Variants in CUL4A observed in about 807,000 individuals in gnomAD.
CUL4A encodes the protein cullin-4A.
In CUL4A, 16 loss-of-function variants were observed where a neutral mutation model predicts 95.5. The observed-to-expected ratio is 0.17, with a 90% CI of 0.11 to 0.25. CUL4A has a LOEUF of 0.25. CUL4A is among the 10% of genes least tolerant of loss of function. The probability of loss-of-function intolerance (pLI) is 1.00; values close to 1 mark genes in which losing one functional copy is unlikely to be tolerated. For missense variants in CUL4A, 610 were observed against 937.0 expected (o/e 0.65, Z 4.56); for synonymous variants, 380 against 353.1 (o/e 1.08, Z -0.85).
intron 8 of CUL4A, among the ~76,000 whole-genome samples, chr13:113,235,842 G>A (rs1291387186): frequency 6.6e-6 from 1 of 152,032 alleles, no homozygotes; most frequent in Non-Finnish European, 1.5e-5. Context: ...GTGGTGGCGG[G>A]AACCTATAGT....
intron 2 of CUL4A, among the ~76,000 whole-genome samples, chr13:113,215,372 G>C (rs12584078): frequency 0.97 from 143,061 of 147,666 alleles, 69,379 homozygotes; most frequent in Non-Finnish European, 1. Context: ...AGGTCACGTC[G>C]CATGTGGCCG....
rs1223236804 is a variant in CUL4A, at chr13:113,209,652, G to A, written c.25G>A (p.Gly9Ser). The change falls in exon 1 of 20, where the codon GGC (glycine) becomes AGC (serine). Residue 9 changes from glycine (G) to serine (S), a missense_variant. Gly to Ser is a moderately conservative substitution (Grantham distance 56, BLOSUM62 0). Coordinates refer to ENST00000375440, the MANE Select transcript of CUL4A (RefSeq NM_001008895.4). MADEAPRK[G>S]SFSALVGRTN... ...CATGGCGGACGAGGCCCCGCGGAAG[G>A]GCAGCTTCTCGGCGCTCGTGGGCCG... 1 of 1,120,296 alleles carries A rather than the reference G, an allele frequency of 8.9e-7. No homozygotes were observed. The highest frequency in any genetic ancestry group is 1.1e-6 in the Non-Finnish European group (1 of 917,756). The allele number at this position is 1,120,296 out of a possible 1,614,324, so 69.4% of individuals were successfully genotyped here. A position where few individuals can be genotyped will look rare whatever the true frequency, so the allele number is the denominator to read the frequency against.
chr13:113,251,943 G>A (rs965023361), intron 15 of CUL4A, among the ~76,000 whole-genome samples: 1 of 152,206 alleles, frequency 6.6e-6, no homozygotes, highest in African/African-American at 2.4e-5. Context: ...GGGCTGTGCA[G>A]AGATGGTCTC....
chr13:113,263,265 C>T (rs1050855936), intron 19 of CUL4A, among the ~76,000 whole-genome samples: 11 of 152,170 alleles, frequency 7.2e-5, no homozygotes, highest in Non-Finnish European at 1.2e-4. Context: ...CTCACATGGA[C>T]GCTTTTTTTA....
intron 15 of CUL4A, 123 bp downstream of exon 15, chr13:113,246,186 A>G (rs975476848): frequency 4.9e-5 from 34 of 696,330 alleles, no homozygotes; most frequent in South Asian, 2.4e-4. Context: ...TCCAAAATCA[A>G]AGTGCTCTTA....
At chr13:113,253,030 A>T in intron 15 of CUL4A, 52 bp from the exon 16 acceptor site, 1 of 819,052 alleles carries the variant, frequency 1.2e-6, no homozygotes, top group Non-Finnish European at 2.0e-6. Flanking sequence ...ATGGGGAGCT[A>T]TTGAGATGGA....
chr13:113,250,311 A>G (rs1217973205), intron 15 of CUL4A, among the ~76,000 whole-genome samples: 1 of 152,046 alleles, frequency 6.6e-6, no homozygotes, highest in Non-Finnish European at 1.5e-5. Flanking sequence ...GATTAGCCGC[A>G]TGTCGTGGTG....
At chr13:113,238,642 A>G (rs894624435) in intron 9 of CUL4A, among the ~76,000 whole-genome samples, 5 of 152,226 alleles carry the variant, frequency 3.3e-5, no homozygotes, top group African/African-American at 1.2e-4. Flanking sequence ...AAGTATAAAA[A>G]GTTTGTGTCA....
chr13:113,245,881 A>G (rs1595409502), intron 14 of CUL4A, 75 bp from the exon 15 acceptor site: 6 of 1,068,652 alleles, frequency 5.6e-6, no homozygotes, highest in Non-Finnish European at 8.2e-6. Flanking sequence ...TGAAAATTAC[A>G]CGGTTTATTT....
rs1157097739 is a variant in CUL4A, at chr13:113,222,194, T to A, written c.368+3146T>A. 2.6e-5 allele frequency among the ~76,000 whole-genome samples: 4 copies of A among 152,316 alleles called. No homozygotes were observed. The East Asian group carries it at 7.7e-4, about 29-fold the overall frequency. On this transcript the variant is annotated intron_variant, in intron 3 of 19. Coordinates refer to ENST00000375440, the MANE Select transcript of CUL4A (RefSeq NM_001008895.4). ...ATGCTGAATTGTGGAGGAGCCTTTGTTGAACCAAGAGGTTGAGGTTTATCT... is the reference window on the plus strand; with the variant it reads ...ATGCTGAATTGTGGAGGAGCCTTTGATGAACCAAGAGGTTGAGGTTTATCT...
intron 15 of CUL4A, among the ~76,000 whole-genome samples, chr13:113,248,739 A>G (rs1169616638): frequency 2.0e-5 from 3 of 152,152 alleles, no homozygotes; most frequent in Non-Finnish European, 4.4e-5. Flanking sequence ...ACTGTAAATA[A>G]TCTCTAGATG....
intron 3 of CUL4A, among the ~76,000 whole-genome samples, chr13:113,222,920 G>A (rs887308712): frequency 6.6e-5 from 10 of 152,104 alleles, no homozygotes; most frequent in African/African-American, 2.4e-4. Context: ...AATGAGCAGA[G>A]CCATGAGAGG....
Position 113,243,144 on chromosome 13 carries a change from G to A in CUL4A, c.1212G>A (p.Lys404=), listed in dbSNP as rs1488222974. 5 of 1,613,194 alleles carry A rather than the reference G, an allele frequency of 3.1e-6. No individual in the cohort carries two copies. The highest frequency in any genetic ancestry group is 3.4e-6 in the Non-Finnish European group (4 of 1,179,282). ...CGTTCATCAACAAGAGACCCAACAA[G>A]CCTGCAGAACTGATCGGTAGAAAAA... ...FETFINKRPN[K]PAELIAKHVD... is the part of the protein sequence containing the mutation. Residue 404 remains lysine (K), a synonymous_variant, in exon 11 of 20, where the codon AAG becomes AAA. Coordinates refer to ENST00000375440, the MANE Select transcript of CUL4A (RefSeq NM_001008895.4).
upstream of CUL4A, chr13:113,208,631 C>T (rs1362777780): frequency 6.2e-7 from 1 of 1,607,390 alleles, no homozygotes; most frequent in South Asian, 1.1e-5. Flanking sequence ...GTAATGTGCG[C>T]CATGGGAGCG....
intron 5 of CUL4A, 96 bp downstream of exon 5, chr13:113,229,615 T>A: frequency 1.0e-6 from 1 of 986,760 alleles, no homozygotes; most frequent in East Asian, 2.6e-5. Context: ...AAAGTGTGTG[T>A]GATTACTTGT....
At chr13:113,253,037 T>C (rs2042033795) in intron 15 of CUL4A, 45 bp from the exon 16 acceptor site, 1 of 921,004 alleles carries the variant, frequency 1.1e-6, no homozygotes, top group Non-Finnish European at 1.7e-6. Flanking sequence ...GCTATTGAGA[T>C]GGATGGTGTG....
intron 8 of CUL4A, among the ~76,000 whole-genome samples, chr13:113,236,604 C>T (rs996527308): frequency 2.0e-5 from 3 of 152,176 alleles, no homozygotes; most frequent in Non-Finnish European, 4.4e-5. Flanking sequence ...GCCCGTGGGC[C>T]TGCTTGTGCT....
chr13:113,244,311 G>A (rs930801853), intron 11 of CUL4A, 99 bp from the exon 12 acceptor site: 1 of 806,686 alleles, frequency 1.2e-6, no homozygotes, highest in African/African-American at 1.7e-5. Context: ...TAGTCATTTT[G>A]GGAAGGTTCC....
chr13:113,240,558 A>G (rs71446681), intron 10 of CUL4A, among the ~76,000 whole-genome samples: 651 of 152,358 alleles, frequency 4.3e-3, no homozygotes, highest in Non-Finnish European at 6.3e-3. Flanking sequence ...CTTAAATCCC[A>G]TAATGAAAAG....
Sources: gnomAD v4.1 joint callset for allele counts (sites outside exome capture counted in the v4.1 genomes callset) on GRCh38, gnomAD v4.1.1 for gene constraint, MANE v1.5 for transcripts, NCBI Gene and HGNC (gene_info 2026-07-23, HGNC 2026-07-21) for gene names.